Variants in PSD3 observed in about 807,000 individuals in gnomAD.
PSD3 encodes PH and SEC7 domain-containing protein 3.
In PSD3, 49 loss-of-function variants were observed where a neutral mutation model predicts 105.5. The ratio of observed to expected loss-of-function variants is 0.46; its 90% CI spans 0.37 to 0.59. The LOEUF is 0.59. PSD3 is among the 20% of genes least tolerant of loss of function. The pLI, the probability that PSD3 is intolerant of heterozygous loss-of-function variation, is 0.00. For missense variants in PSD3, 1,561 were observed against 1,263.8 expected (o/e 1.24, Z -3.57); for synonymous variants, 557 against 457.8 (o/e 1.22, Z -2.77).
At chr8:18,643,909 C>T (rs193174290) in intron 10 of PSD3, among the ~76,000 whole-genome samples, 77 of 152,328 alleles carry the variant, frequency 5.1e-4, no homozygotes, top group Non-Finnish European at 2.1e-4. Flanking sequence ...CTTGTATTTC[C>T]TAGAACAGTG....
chr8:18,932,472 C>T (rs952844157), intron 2 of PSD3, among the ~76,000 whole-genome samples: 4 of 152,172 alleles, frequency 2.6e-5, no homozygotes, highest in Non-Finnish European at 5.9e-5. Flanking sequence ...CATGAAGATA[C>T]CTATCTTACC....
intron 15 of PSD3, among the ~76,000 whole-genome samples, chr8:18,542,717 C>CT (rs879168063): frequency 6.6e-6 from 1 of 152,162 alleles, no homozygotes; most frequent in Admixed American, 6.5e-5. Context: ...GACAATGCCT[C>CT]TAACTAATAA....
chr8:18,713,951 A>G (rs1802415122), intron 9 of PSD3, among the ~76,000 whole-genome samples: 1 of 152,214 alleles, frequency 6.6e-6, no homozygotes, highest in South Asian at 2.1e-4. Flanking sequence ...CCAATGGAAC[A>G]GAAAGAGAAC....
chr8:18,704,612 T>C (rs1801782999), intron 9 of PSD3, among the ~76,000 whole-genome samples: 1 of 152,206 alleles, frequency 6.6e-6, no homozygotes, highest in African/African-American at 2.4e-5. Flanking sequence ...AGTGTTGGGA[T>C]TACAGGCGTG....
chr8:19,053,023 T>G (rs886895543), intron 1 of PSD3, among the ~76,000 whole-genome samples: 5 of 152,162 alleles, frequency 3.3e-5, no homozygotes, highest in Admixed American at 2.0e-4. Flanking sequence ...GCCAGGGCTT[T>G]GGCCACACAG....
chr8:18,649,900 A>C (rs10099570), intron 10 of PSD3, among the ~76,000 whole-genome samples: 38,146 of 152,120 alleles, frequency 0.25, 5,067 homozygotes, highest in South Asian at 0.44. Context: ...GTCATGACTG[A>C]AAGTTTCCTG....
At chr8:18,761,154 C>T (rs2129442744) in intron 9 of PSD3, among the ~76,000 whole-genome samples, 1 of 152,184 alleles carries the variant, frequency 6.6e-6, no homozygotes, top group Admixed American at 6.5e-5. Flanking sequence ...GAAGGATAGG[C>T]CCAGGAGAAA....
chr8:18,565,867 C>T (rs1273790946), intron 14 of PSD3, among the ~76,000 whole-genome samples: 1 of 152,082 alleles, frequency 6.6e-6, no homozygotes, highest in Non-Finnish European at 1.5e-5. Context: ...GTTGTTAGAA[C>T]TGGGGGGTCC....
chr8:18,624,127 C>T (rs1174092384), intron 11 of PSD3, among the ~76,000 whole-genome samples: 1 of 152,062 alleles, frequency 6.6e-6, no homozygotes, highest in African/African-American at 2.4e-5. Flanking sequence ...GGTGTATACA[C>T]CCTTATGACT....
At chr8:18,593,872 G>A (rs569399215) in intron 12 of PSD3, among the ~76,000 whole-genome samples, 2 of 147,556 alleles carry the variant, frequency 1.4e-5, no homozygotes, top group Non-Finnish European at 3.0e-5. Context: ...ACTATCACAA[G>A]GACAAAAAAC....
chr8:18,672,485 C>T (rs1253080764), intron 9 of PSD3, among the ~76,000 whole-genome samples: 1 of 152,088 alleles, frequency 6.6e-6, no homozygotes, highest in Non-Finnish European at 1.5e-5. Flanking sequence ...ACGATCAATA[C>T]AAACAAATTA....
intron 2 of PSD3, among the ~76,000 whole-genome samples, chr8:18,918,101 A>T (rs1307959314): frequency 2.0e-5 from 3 of 152,300 alleles, no homozygotes; most frequent in Non-Finnish European, 2.9e-5. Context: ...AATAAAATAC[A>T]CACTTACAGC....
chr8:18,865,246 A>C (rs866190734), intron 4 of PSD3: 1 of 16,070 alleles, frequency 6.2e-5, no homozygotes. Flanking sequence ...ATATATATAT[A>C]TATATATATA....
chr8:18,658,716 A>G lies in PSD3; in HGVS notation c.2173-3031T>C, dbSNP rs1191321358. On this transcript the variant is annotated intron_variant, in intron 9 of 15. Transcript: ENST00000327040. ...TCTGATTTCTCCGTATGAAAATCCTACAGATTAGTTAAGATTTCTTTTACT... is the reference window on the plus strand; with the variant it reads ...TCTGATTTCTCCGTATGAAAATCCTGCAGATTAGTTAAGATTTCTTTTACT... Among the ~76,000 whole-genome samples the G allele has an allele frequency of 3.3e-5, 5 of 152,090 alleles. No individual in the cohort carries two copies. The East Asian group carries it at 9.6e-4, about 29-fold the overall frequency.
chr8:18,653,587 A>C (rs13268366), intron 10 of PSD3, among the ~76,000 whole-genome samples: 1 of 152,006 alleles, frequency 6.6e-6, no homozygotes, highest in Non-Finnish European at 1.5e-5. Context: ...ATTCACACCA[A>C]AATTTATCTG....
At position 18,959,693 on chromosome 8, in the gene PSD3, G is replaced by A. The variant is rs1312968519; in HGVS notation, c.22-23551C>T. On this transcript the variant is annotated intron_variant, in intron 1 of 15. Coordinates refer to ENST00000327040, the MANE Select transcript of PSD3 (RefSeq NM_015310.4). ...TGATAAAAGCTGACTAGGGAAAATG[G>A]CTAAAGATCAGTGACAAGAATTAGC... 6.6e-5 allele frequency among the ~76,000 whole-genome samples: 10 copies of A among 152,216 alleles called. No homozygotes were observed. In the East Asian group the frequency reaches 1.9e-3, roughly 29 times the overall value.
intron 15 of PSD3, among the ~76,000 whole-genome samples, chr8:18,551,288 C>T (rs1042247222): frequency 7.2e-5 from 11 of 152,118 alleles, no homozygotes; most frequent in Admixed American, 2.0e-4. Flanking sequence ...AACTACCCAA[C>T]GCTACTGACT....
intron 14 of PSD3, among the ~76,000 whole-genome samples, chr8:18,560,852 A>G (rs908348534): frequency 6.6e-6 from 1 of 152,230 alleles, no homozygotes; most frequent in Non-Finnish European, 1.5e-5. Flanking sequence ...CTCATTGTGT[A>G]GTATTAAGAG....
At chr8:18,821,717 A>ACACGCACACC (rs1554513425) in intron 4 of PSD3, among the ~76,000 whole-genome samples, 1 of 141,120 alleles carries the variant, frequency 7.1e-6, no homozygotes, top group Non-Finnish European at 1.5e-5. Flanking sequence ...ACACACACAC[A>ACACGCACACC]CCCCAATAAC....
Sources: gnomAD v4.1 joint callset for allele counts (sites outside exome capture counted in the v4.1 genomes callset) on GRCh38, gnomAD v4.1.1 for gene constraint, MANE v1.5 for transcripts, NCBI Gene and HGNC (gene_info 2026-07-23, HGNC 2026-07-21) for gene names.